KCNH8: variants seen among roughly 807,000 people sequenced by gnomAD.
KCNH8 encodes the protein voltage-gated delayed rectifier potassium channel KCNH8.
Under a neutral mutation model 103.6 loss-of-function variants are expected in KCNH8, and 70 were observed. That is an observed-to-expected ratio of 0.68 (90% CI 0.56 to 0.82). The LOEUF (loss-of-function observed/expected upper bound fraction) is 0.82, where lower values mean the gene tolerates loss of function less well. KCNH8 is among the 40% of genes least tolerant of loss of function. The pLI is 0.00. For missense variants in KCNH8, 1,217 were observed against 1,329.9 expected (o/e 0.92, Z 1.32); for synonymous variants, 498 against 489.4 (o/e 1.02, Z -0.23).
intron 15 of KCNH8, among the ~76,000 whole-genome samples, chr3:19,529,156 G>C (rs375524154): frequency 8.5e-5 from 13 of 152,226 alleles, no homozygotes; most frequent in East Asian, 3.9e-4. Context: ...AGTAGGGTTT[G>C]TGAAGGGCTT....
At chr3:19,403,138 A>T (rs1233167671) in intron 7 of KCNH8, among the ~76,000 whole-genome samples, 1 of 151,632 alleles carries the variant, frequency 6.6e-6, no homozygotes, top group Non-Finnish European at 1.5e-5. Flanking sequence ...ATTTATAAAT[A>T]TCACAAATTA....
chr3:19,533,557 T>G lies in KCNH8; in HGVS notation c.2782T>G (p.Trp928Gly). 2 of 1,614,204 alleles carry G rather than the reference T, an allele frequency of 1.2e-6. No homozygotes were observed. The highest frequency in any genetic ancestry group is 1.7e-6 in the Non-Finnish European group (2 of 1,180,032). ...SRESLQTRTS[W>G]SAHQPCLHLQ... ...GGAGAGCTTACAGACCAGAACGAGC[T>G]GGAGTGCACACCAGCCTTGCCTACA... Residue 928 changes from tryptophan to glycine, a missense_variant, in exon 16 of 16, where the codon TGG becomes GGG. Physicochemically the swap from Trp to Gly is radical, Grantham distance 184 (BLOSUM62 -2). Coordinates refer to ENST00000328405, the MANE Select transcript of KCNH8 (RefSeq NM_144633.3).
intron 3 of KCNH8, among the ~76,000 whole-genome samples, chr3:19,294,558 T>G (rs997996132): frequency 6.6e-6 from 1 of 152,228 alleles, no homozygotes; most frequent in Non-Finnish European, 1.5e-5. Context: ...GCACTGGAAC[T>G]GAAGAGCTCA....
chr3:19,498,200 C>T (rs1033508105), intron 11 of KCNH8, among the ~76,000 whole-genome samples: 1 of 152,162 alleles, frequency 6.6e-6, no homozygotes, highest in African/African-American at 2.4e-5. Context: ...CGTGTTGCCA[C>T]TCTGTTACTT....
intron 11 of KCNH8, among the ~76,000 whole-genome samples, chr3:19,472,074 A>C (rs17006007): frequency 0.02 from 3,090 of 152,280 alleles, 109 homozygotes; most frequent in African/African-American, 0.068. Flanking sequence ...AGTTGTGCAC[A>C]TATGATTTCC....
intron 11 of KCNH8, among the ~76,000 whole-genome samples, chr3:19,496,018 A>G (rs2125228152): frequency 6.6e-6 from 1 of 152,308 alleles, no homozygotes; most frequent in South Asian, 2.1e-4. Context: ...GTTCGTATAC[A>G]GGAAGGCTAC....
chr3:19,342,894 A>G (rs1169669086), intron 4 of KCNH8, among the ~76,000 whole-genome samples, 180 bp downstream of exon 4: 1 of 152,090 alleles, frequency 6.6e-6, no homozygotes, highest in Non-Finnish European at 1.5e-5. Flanking sequence ...AGGCATTTCT[A>G]TAATAAAAGT....
intron 5 of KCNH8, among the ~76,000 whole-genome samples, chr3:19,371,101 T>A (rs1215854249): frequency 2.0e-5 from 3 of 151,910 alleles, no homozygotes; most frequent in Non-Finnish European, 4.4e-5. Context: ...GCAGCATGAT[T>A]TATAATCCTT....
At chr3:19,265,631 T>C (rs919279083) in intron 2 of KCNH8, among the ~76,000 whole-genome samples, 5 of 151,986 alleles carry the variant, frequency 3.3e-5, no homozygotes, top group African/African-American at 1.2e-4. Flanking sequence ...TTTCTAGTTT[T>C]CCCTTACCTT....
At chr3:19,372,434 A>G (rs1439404869) in intron 5 of KCNH8, among the ~76,000 whole-genome samples, 1 of 150,840 alleles carries the variant, frequency 6.6e-6, no homozygotes, top group African/African-American at 2.4e-5. Flanking sequence ...GGTGTATAAG[A>G]ATGCTTGTGA....
chr3:19,522,561 T>C (rs1049522476), intron 15 of KCNH8, among the ~76,000 whole-genome samples: 20 of 151,840 alleles, frequency 1.3e-4, no homozygotes, highest in African/African-American at 4.8e-4. Flanking sequence ...CTGATTCAAA[T>C]GCTAATCTCA....
chr3:19,421,310 T>C (rs2066947750), intron 7 of KCNH8, among the ~76,000 whole-genome samples: 1 of 152,116 alleles, frequency 6.6e-6, no homozygotes, highest in Non-Finnish European at 1.5e-5. Context: ...GATATTTTGA[T>C]CTACCATTTT....
chr3:19,517,810 G>A (rs2068900783), intron 14 of KCNH8, among the ~76,000 whole-genome samples, 188 bp from the exon 15 acceptor site: 1 of 152,008 alleles, frequency 6.6e-6, no homozygotes, highest in African/African-American at 2.4e-5. Flanking sequence ...TGTGTCCAGA[G>A]AGTATATCTG....
At chr3:19,240,284 C>G (rs748641989) in intron 1 of KCNH8, among the ~76,000 whole-genome samples, 8 of 152,074 alleles carry the variant, frequency 5.3e-5, no homozygotes, top group South Asian at 2.1e-4. Context: ...CTGCTAACTC[C>G]AAATTTCTAT....
intron 1 of KCNH8, among the ~76,000 whole-genome samples, chr3:19,236,181 G>A (rs867057758): frequency 6.6e-6 from 1 of 152,220 alleles, no homozygotes; most frequent in African/African-American, 2.4e-5. Context: ...AGAATACCAG[G>A]GCTGAAAGAA....
At chr3:19,360,973 A>T (rs2065939805) in intron 5 of KCNH8, among the ~76,000 whole-genome samples, 1 of 152,096 alleles carries the variant, frequency 6.6e-6, no homozygotes. Flanking sequence ...ATATGACAAC[A>T]GAAATTGGGA....
rs1456169722 is a variant in KCNH8, at chr3:19,196,143, C to G, written c.76+47348C>G. On this transcript the variant is annotated intron_variant, in intron 1 of 15. Transcript: ENST00000328405. ...GACATTTCTTTTCTTGTGCCAGATT[C>G]TCTTCAAGAGACTCAAGCCTCTCCT... Among the ~76,000 whole-genome samples, 3 of 151,720 alleles carry G rather than the reference C, an allele frequency of 2.0e-5. No individual in the cohort carries two copies. In the East Asian group the frequency reaches 5.8e-4, roughly 29 times the overall value.
intron 1 of KCNH8, among the ~76,000 whole-genome samples, chr3:19,194,546 G>A (rs754296493): frequency 2.6e-5 from 4 of 151,746 alleles, no homozygotes; most frequent in African/African-American, 7.3e-5. Flanking sequence ...AAGTCAAATA[G>A]TACAGTTTCT....
At chr3:19,401,810 A>G (rs777608654) in intron 7 of KCNH8, among the ~76,000 whole-genome samples, 24 of 152,132 alleles carry the variant, frequency 1.6e-4, no homozygotes, top group Middle Eastern at 3.4e-3. Flanking sequence ...GCATTTAGAT[A>G]GTAAGAAATA....
Sources: gnomAD v4.1 joint callset for allele counts (sites outside exome capture counted in the v4.1 genomes callset) on GRCh38, gnomAD v4.1.1 for gene constraint, MANE v1.5 for transcripts, NCBI Gene and HGNC (gene_info 2026-07-23, HGNC 2026-07-21) for gene names.